WWOX: variants seen among roughly 807,000 people sequenced by gnomAD.
The protein encoded by WWOX is WW domain-containing oxidoreductase.
WWOX carries 69 observed loss-of-function variants against 46.2 expected under a neutral mutation model. The observed-to-expected ratio is 1.49, with a 90% CI of 1.23 to 1.82. The LOEUF (loss-of-function observed/expected upper bound fraction) is 1.82. Ranked by LOEUF, WWOX falls within the 40% of genes most tolerant of loss-of-function variation. The probability of loss-of-function intolerance (pLI) is 0.00; values close to 1 mark genes in which losing one functional copy is unlikely to be tolerated. For missense variants in WWOX, 919 were observed against 542.6 expected, an observed-to-expected ratio of 1.69 and a Z score of -6.89; for synonymous variants, 359 against 202.6, an observed-to-expected ratio of 1.77 and a Z score of -6.56.
chr16:78,867,854 C>T (rs140173470), intron 8 of WWOX, among the ~76,000 whole-genome samples: 6 of 152,286 alleles, frequency 3.9e-5, no homozygotes, highest in African/African-American at 1.4e-4. Context: ...GACATGCCTA[C>T]TAGCTTAGCT....
intron 8 of WWOX, among the ~76,000 whole-genome samples, chr16:78,970,788 C>G (rs771809990): frequency 6.6e-6 from 1 of 152,116 alleles, no homozygotes; most frequent in Non-Finnish European, 1.5e-5. Flanking sequence ...GGCAACTAAA[C>G]CCAGCTTTTG....
At chr16:79,048,384 C>G (rs977320527) in intron 8 of WWOX, among the ~76,000 whole-genome samples, 1 of 152,054 alleles carries the variant, frequency 6.6e-6, no homozygotes, top group Admixed American at 6.5e-5. Context: ...CAAATTACCC[C>G]CATTTTCTGC....
chr16:78,694,659 C>T (rs776772893), intron 8 of WWOX, among the ~76,000 whole-genome samples: 13 of 152,200 alleles, frequency 8.5e-5, no homozygotes, highest in Non-Finnish European at 1.5e-4. Context: ...CTGGAAATTA[C>T]TGACATGGCC....
chr16:78,833,332 C>G (rs969625297), intron 8 of WWOX, among the ~76,000 whole-genome samples: 2 of 152,106 alleles, frequency 1.3e-5, no homozygotes, highest in African/African-American at 2.4e-5. Context: ...CAAGCTCTTT[C>G]TTTATACCAG....
intron 7 of WWOX, among the ~76,000 whole-genome samples, chr16:78,426,126 C>A (rs912380606): frequency 2.0e-5 from 3 of 152,138 alleles, no homozygotes; most frequent in African/African-American, 7.2e-5. Flanking sequence ...TAATAATCCT[C>A]CCCCGTGTTA....
chr16:79,209,171 G>C (rs74036768), intron 8 of WWOX, among the ~76,000 whole-genome samples: 4,188 of 152,278 alleles, frequency 0.028, 214 homozygotes, highest in African/African-American at 0.096. Context: ...ATGGCTCTCA[G>C]CATTGTAGCC....
intron 8 of WWOX, among the ~76,000 whole-genome samples, chr16:79,142,192 A>AC (rs1160443984): frequency 3.3e-5 from 5 of 152,128 alleles, no homozygotes; most frequent in African/African-American, 1.2e-4. Context: ...GATGGAGGTG[A>AC]CCAAGCAGAC....
At chr16:78,464,857 C>T (rs1038969121) in intron 8 of WWOX, among the ~76,000 whole-genome samples, 27 of 152,150 alleles carry the variant, frequency 1.8e-4, no homozygotes, top group African/African-American at 5.6e-4. Context: ...AAACATATTA[C>T]TCCATTCCCA....
intron 8 of WWOX, among the ~76,000 whole-genome samples, chr16:79,032,285 AAT>A (rs1431857640): frequency 2.7e-5 from 4 of 146,290 alleles, no homozygotes; most frequent in African/African-American, 9.9e-5. Flanking sequence ...CATAATATAT[AAT>A]AGACTCTATA....
chr16:79,028,566 CCTTCCTT>C (rs1166041033), intron 8 of WWOX, among the ~76,000 whole-genome samples: 1 of 151,484 alleles, frequency 6.6e-6, no homozygotes, highest in Non-Finnish European at 1.5e-5. Context: ...CCTCCTCTCT[CCTTCCTT>C]CCCTCCCTTT....
In WWOX at chr16:78,474,390, C is replaced by T. The variant is rs114335683; in HGVS notation, c.1056+41638C>T. On this transcript the variant is annotated intron_variant, in intron 8 of 8. Transcript: ENST00000566780. Reference sequence around the variant, plus strand: ...ACCCCGATGCACTCTCTAAACCGATCATCACAGAAGATATTTTGTAGTGAT... The same window carrying T: ...ACCCCGATGCACTCTCTAAACCGATTATCACAGAAGATATTTTGTAGTGAT... Among the ~76,000 whole-genome samples, 975 of 152,314 alleles carry T rather than the reference C, an allele frequency of 6.4e-3. 15 individuals carry two copies. The highest frequency in any genetic ancestry group is 0.022 in the African/African-American group (932 of 41,556).
intron 5 of WWOX, among the ~76,000 whole-genome samples, chr16:78,185,896 C>T (rs944174345): frequency 3.9e-5 from 6 of 152,098 alleles, no homozygotes; most frequent in Admixed American, 3.9e-4. Flanking sequence ...GAACTCTTGA[C>T]CTCAAGTGAT....
intron 5 of WWOX, among the ~76,000 whole-genome samples, chr16:78,352,693 T>G (rs1490213823): frequency 6.6e-6 from 1 of 152,230 alleles, no homozygotes; most frequent in Non-Finnish European, 1.5e-5. Context: ...ATGTAACATA[T>G]TTATAGATAT....
intron 8 of WWOX, among the ~76,000 whole-genome samples, chr16:78,907,488 G>C (rs2044996786): frequency 1.3e-5 from 2 of 152,176 alleles, no homozygotes; most frequent in South Asian, 2.1e-4. Flanking sequence ...TACAAAGGCA[G>C]TTTAGTTTGG....
At chr16:78,197,956 TA>T (rs199935399) in intron 5 of WWOX, among the ~76,000 whole-genome samples, 61 of 152,150 alleles carry the variant, frequency 4.0e-4, no homozygotes, top group Admixed American at 2.4e-3. Flanking sequence ...ATTTTTTTTT[TA>T]AATTTCTTCC....
At chr16:78,804,078 C>G (rs539090579) in intron 8 of WWOX, among the ~76,000 whole-genome samples, 10 of 152,214 alleles carry the variant, frequency 6.6e-5, no homozygotes, top group African/African-American at 2.4e-4. Context: ...TCCTTCATTC[C>G]CAACCAAGTT....
At chr16:79,134,576 C>CA (rs2150703087) in intron 8 of WWOX, among the ~76,000 whole-genome samples, 1 of 152,264 alleles carries the variant, frequency 6.6e-6, no homozygotes, top group South Asian at 2.1e-4. Flanking sequence ...ATTAGAACTC[C>CA]ACAGTAGATT....
intron 5 of WWOX, among the ~76,000 whole-genome samples, chr16:78,199,465 T>G (rs180941791): frequency 6.6e-6 from 1 of 152,188 alleles, no homozygotes; most frequent in South Asian, 2.1e-4. Context: ...GGTCAACTAA[T>G]CTTTCCCTGT....
intron 8 of WWOX, among the ~76,000 whole-genome samples, chr16:79,015,101 C>T (rs138513387): frequency 7.2e-4 from 109 of 152,246 alleles, no homozygotes; most frequent in African/African-American, 2.6e-3. Flanking sequence ...GTGTCGGGGG[C>T]CACAGGACAC....
Sources: allele counts gnomAD v4.1 joint callset (sites outside exome capture counted in the v4.1 genomes callset), GRCh38; gene constraint gnomAD v4.1.1; transcripts MANE v1.5; gene names NCBI Gene and HGNC (gene_info 2026-07-23, HGNC 2026-07-21).